The following MYO16 variants were observed in gnomAD, a reference collection of about 807,000 sequenced individuals.
The protein encoded by MYO16 is myosin XVI, also known as unconventional myosin-XVI.
In MYO16, 94 loss-of-function variants were observed where a neutral mutation model predicts 205.3. The ratio of observed to expected loss-of-function variants is 0.46; its 90% CI spans 0.39 to 0.54. The LOEUF (loss-of-function observed/expected upper bound fraction) is 0.54. Among genes scored for constraint, MYO16 ranks in the 20% least tolerant of loss-of-function variants. The pLI, the probability that MYO16 is intolerant of heterozygous loss-of-function variation, is 0.00. For synonymous variants in MYO16, 988 were observed against 954.0 expected, an observed-to-expected ratio of 1.04 and a Z score of -0.66; for missense variants, 2,315 against 2,387.5, an observed-to-expected ratio of 0.97 and a Z score of 0.63.
intron 1 of MYO16, among the ~76,000 whole-genome samples, chr13:108,641,963 G>A (rs1880523472): frequency 6.6e-6 from 1 of 152,076 alleles, no homozygotes; most frequent in East Asian, 1.9e-4. Context: ...GATCATTAGG[G>A]GAGACTCCAC....
In MYO16 at chr13:108,709,896, T is replaced by C. The variant is rs551162498; in HGVS notation, c.293-2765T>C. On this transcript the variant is annotated intron_variant, in intron 2 of 34. Transcript: ENST00000457511. ...TCTGTGGTTCTAATATGGTTCCATC[T>C]TGATCATGCAAACAGCCCTCTCAAA... Among the ~76,000 whole-genome samples the C allele has an allele frequency of 5.5e-4, 74 of 134,768 alleles. 13 individuals are homozygous for C. The highest frequency in any genetic ancestry group is 1.9e-3 in the African/African-American group (68 of 36,296). The allele number at this position is 134,768 out of a possible 152,430, so 88.4% of individuals were successfully genotyped here.
At chr13:108,669,949 G>A (rs1594194139) in intron 2 of MYO16, among the ~76,000 whole-genome samples, 2 of 152,124 alleles carry the variant, frequency 1.3e-5, no homozygotes, top group South Asian at 2.1e-4. Flanking sequence ...GGGAGGGAGA[G>A]CATTAGGACA....
chr13:108,719,966 C>CA (rs1475087441), intron 3 of MYO16, among the ~76,000 whole-genome samples: 1 of 152,040 alleles, frequency 6.6e-6, no homozygotes, highest in Non-Finnish European at 1.5e-5. Flanking sequence ...TTACATTCAC[C>CA]CAAAAGGATA....
intron 13 of MYO16, chr13:108,886,515 T>A (rs893974967): frequency 1.1e-5 from 5 of 455,600 alleles, no homozygotes; most frequent in Non-Finnish European, 2.2e-5. Flanking sequence ...CAGAGAGGGG[T>A]CCTGAAGCAG....
chr13:108,585,228 T>C, the MYO16 span, among the ~76,000 whole-genome samples: 871 of 152,316 alleles, frequency 5.7e-3, 9 homozygotes, highest in African/African-American at 0.02. Context: ...GGGGTACAGC[T>C]TGTTCTTATG....
chr13:108,702,424 C>A (rs778841653), intron 2 of MYO16, among the ~76,000 whole-genome samples: 1 of 152,144 alleles, frequency 6.6e-6, no homozygotes, highest in Non-Finnish European at 1.5e-5. Context: ...GGAAGACTGC[C>A]AGCCAAGAAT....
the MYO16 span, among the ~76,000 whole-genome samples, chr13:108,521,537 A>G: frequency 6.6e-6 from 1 of 152,208 alleles, no homozygotes; most frequent in Non-Finnish European, 1.5e-5. Flanking sequence ...GATCTCAAAC[A>G]TAATTGCCTG....
intron 21 of MYO16, among the ~76,000 whole-genome samples, chr13:108,999,097 G>A (rs1431706393): frequency 6.6e-6 from 1 of 152,182 alleles, no homozygotes; most frequent in African/African-American, 2.4e-5. Context: ...GACTGGGGAT[G>A]TTTAAATGGG....
intron 1 of MYO16, among the ~76,000 whole-genome samples, chr13:108,632,822 G>A (rs1880048573): frequency 6.6e-6 from 1 of 152,200 alleles, no homozygotes; most frequent in African/African-American, 2.4e-5. Flanking sequence ...AACATGACCA[G>A]GCCCCAGCTG....
intron 4 of MYO16, among the ~76,000 whole-genome samples, chr13:108,761,732 A>G (rs573210568): frequency 3.3e-5 from 5 of 152,268 alleles, no homozygotes; most frequent in East Asian, 1.9e-4. Context: ...GGGATCGTCT[A>G]TTTCCAAAGG....
At chr13:109,115,629 T>C (rs1875642180) in intron 28 of MYO16, among the ~76,000 whole-genome samples, 1 of 152,202 alleles carries the variant, frequency 6.6e-6, no homozygotes, top group Admixed American at 6.5e-5. Flanking sequence ...CTTAATTTAT[T>C]GGATTTGATA....
At chr13:108,614,865 C>T (rs1879297145) in intron 1 of MYO16, among the ~76,000 whole-genome samples, 1 of 81,816 alleles carries the variant, frequency 1.2e-5, no homozygotes, top group South Asian at 4.1e-4. Context: ...TTTTTAAATT[C>T]TTAAAACACA....
chr13:108,574,156 T>C, the MYO16 span, among the ~76,000 whole-genome samples: 1 of 152,180 alleles, frequency 6.6e-6, no homozygotes, highest in African/African-American at 2.4e-5. Flanking sequence ...CCCAGCCTAA[T>C]TGGTCAAGCT....
chr13:108,556,871 A>T, the MYO16 span, among the ~76,000 whole-genome samples: 1 of 152,272 alleles, frequency 6.6e-6, no homozygotes, highest in East Asian at 1.9e-4. Flanking sequence ...AGTTGTCCCA[A>T]CACCACCTAC....
At chr13:108,976,574 C>G (rs912338096) in intron 20 of MYO16, among the ~76,000 whole-genome samples, 5 of 152,042 alleles carry the variant, frequency 3.3e-5, no homozygotes, top group Admixed American at 1.3e-4. Context: ...TCTAGACCAT[C>G]CATTTATGAG....
chr13:108,734,079 G>A (rs557648674), intron 4 of MYO16, among the ~76,000 whole-genome samples: 1 of 152,308 alleles, frequency 6.6e-6, no homozygotes, highest in East Asian at 1.9e-4. Flanking sequence ...GCTCCTAGAG[G>A]AAATACAAGG....
chr13:108,631,343 G>A (rs183922316), intron 1 of MYO16, among the ~76,000 whole-genome samples: 191 of 152,250 alleles, frequency 1.3e-3, no homozygotes, highest in African/African-American at 3.9e-3. Context: ...AGAGATTCAG[G>A]GAGCAGTTGG....
intron 27 of MYO16, among the ~76,000 whole-genome samples, chr13:109,080,645 G>A (rs1327941747): frequency 6.6e-6 from 1 of 151,790 alleles, no homozygotes; most frequent in Non-Finnish European, 1.5e-5. Context: ...ATAGAATGTA[G>A]GAGTTAGCAG....
At chr13:109,000,884 A>G (rs1423045227) in intron 21 of MYO16, among the ~76,000 whole-genome samples, 1 of 152,102 alleles carries the variant, frequency 6.6e-6, no homozygotes, top group African/African-American at 2.4e-5. Context: ...CTCCTTTTTG[A>G]AGACCAATTC....
Sources: gnomAD v4.1 joint callset for allele counts (sites outside exome capture counted in the v4.1 genomes callset) on GRCh38, gnomAD v4.1.1 for gene constraint, MANE v1.5 for transcripts, NCBI Gene and HGNC (gene_info 2026-07-23, HGNC 2026-07-21) for gene names.